PTPN12: variants seen among roughly 807,000 people sequenced by gnomAD.
The protein encoded by PTPN12 is protein tyrosine phosphatase non-receptor type 12, also known as tyrosine-protein phosphatase non-receptor type 12.
Under a neutral mutation model 97.6 loss-of-function variants are expected in PTPN12, and 29 were observed. The ratio of observed to expected loss-of-function variants is 0.30; its 90% CI spans 0.22 to 0.41. The LOEUF (loss-of-function observed/expected upper bound fraction) is 0.41. Among genes scored for constraint, PTPN12 ranks in the 10% least tolerant of loss-of-function variants. PTPN12 has a pLI of 1.00. For synonymous variants in PTPN12, 327 were observed against 300.4 expected (o/e 1.09, Z -0.91); for missense variants, 819 against 926.0 (o/e 0.88, Z 1.50).
intron 1 of PTPN12, among the ~76,000 whole-genome samples, chr7:77,559,724 A>G (rs541601905): frequency 6.6e-6 from 1 of 152,236 alleles, no homozygotes; most frequent in African/African-American, 2.4e-5. Flanking sequence ...TAGGGTGCCA[A>G]TTCACTGACT....
Position 77,573,097 on chromosome 7 carries a change from C to CAAAAAA in PTPN12, c.208+1913_208+1918dup, listed in dbSNP as rs1383453267. 1.1e-3 allele frequency among the ~76,000 whole-genome samples: 53 copies of CAAAAAA among 48,516 alleles called. 5 individuals carry two copies. Among genetic ancestry groups the CAAAAAA allele is most frequent in the South Asian group, 6.4e-3 (10 of 1,572 alleles). 31.8% of individuals were successfully genotyped at this position (48,516 alleles called of 152,430 possible). A position where few individuals can be genotyped will look rare whatever the true frequency, so the allele number is the denominator to read the frequency against. Reference sequence around the variant, plus strand: ...GACTCTATCTCAAAAAAAAAAAAAACAAAAAAACAAAAAAAACCAGTGTAC... The same window carrying CAAAAAA: ...GACTCTATCTCAAAAAAAAAAAAAACAAAAAAAAAAAAACAAAAAAAACCAGTGTAC... On this transcript the variant is annotated intron_variant, in intron 2 of 17. Coordinates refer to ENST00000248594, the MANE Select transcript of PTPN12 (RefSeq NM_002835.4).
chr7:77,630,481 T>C (rs1216846470), intron 13 of PTPN12, among the ~76,000 whole-genome samples: 1 of 152,338 alleles, frequency 6.6e-6, no homozygotes, highest in Middle Eastern at 3.4e-3. Context: ...AACCTCTTGC[T>C]CCTAGGCTAC....
intron 16 of PTPN12, 59 bp from the exon 17 acceptor site, chr7:77,638,565 T>TA (rs1789687113): frequency 6.8e-7 from 1 of 1,462,982 alleles, no homozygotes; most frequent in South Asian, 1.6e-5. Context: ...ATTAAAGAGT[T>TA]ATATATATAT....
intron 1 of PTPN12, among the ~76,000 whole-genome samples, chr7:77,543,191 C>G (rs1364133525): frequency 6.6e-6 from 1 of 151,862 alleles, no homozygotes; most frequent in African/African-American, 2.4e-5. Context: ...GCTTTGGTGA[C>G]TAGAAAAAAC....
intron 3 of PTPN12, 32 bp downstream of exon 3, chr7:77,581,535 C>A (rs1255142695): frequency 2.2e-6 from 3 of 1,348,592 alleles, no homozygotes; most frequent in East Asian, 5.0e-5. Context: ...TGTTTCTCTG[C>A]CATATTAATG....
intron 8 of PTPN12, among the ~76,000 whole-genome samples, chr7:77,603,883 CTT>C (rs773037726): frequency 1.1e-5 from 1 of 87,868 alleles, no homozygotes; most frequent in Non-Finnish European, 2.1e-5. Context: ...TTTTTGTTTG[CTT>C]TTTTTTTTTT....
At chr7:77,590,559 C>CTT (rs539493706) in intron 5 of PTPN12, among the ~76,000 whole-genome samples, 2,613 of 141,730 alleles carry the variant, frequency 0.018, 77 homozygotes, top group African/African-American at 0.061. Context: ...TTTTTTAAAT[C>CTT]TTTTTTTTTT....
intron 12 of PTPN12, among the ~76,000 whole-genome samples, chr7:77,623,325 C>A (rs1052309466): frequency 9.2e-5 from 14 of 152,144 alleles, no homozygotes; most frequent in African/African-American, 3.4e-4. Context: ...AATTGTTGTT[C>A]AGATGTTAAC....
At chr7:77,588,939 C>A (rs1787778976) in intron 5 of PTPN12, among the ~76,000 whole-genome samples, 1 of 152,152 alleles carries the variant, frequency 6.6e-6, no homozygotes, top group African/African-American at 2.4e-5. Flanking sequence ...GTGGCGCGAT[C>A]TCGGCTCACT....
chr7:77,581,597 A>C, intron 3 of PTPN12, 94 bp downstream of exon 3: 1 of 594,398 alleles, frequency 1.7e-6, no homozygotes, highest in Non-Finnish European at 2.8e-6. Flanking sequence ...CAAACATGAT[A>C]CCAACAGCAA....
intron 1 of PTPN12, among the ~76,000 whole-genome samples, chr7:77,547,287 G>A (rs1160591775): frequency 6.6e-6 from 1 of 152,182 alleles, no homozygotes; most frequent in East Asian, 1.9e-4. Context: ...CTCTGTTCAG[G>A]AAGTTTACTA....
At position 77,565,063 on chromosome 7, in the gene PTPN12, G is replaced by A. The variant is rs185438559; in HGVS notation, c.100-6015G>A. Among the ~76,000 whole-genome samples, 129 of 152,108 alleles carry A rather than the reference G, an allele frequency of 8.5e-4. 1 individual carries two copies. In the East Asian group the frequency reaches 0.024, roughly 28 times the overall value. ...GAGCCACCGCACCCAGCTGAAACTCGTACTGTGTTTTAAGTGTTATAACAT... is the reference window on the plus strand; with the variant it reads ...GAGCCACCGCACCCAGCTGAAACTCATACTGTGTTTTAAGTGTTATAACAT... On this transcript the variant is annotated intron_variant, in intron 1 of 17. Transcript: ENST00000248594.
At chr7:77,599,355 A>G (rs865905327) in intron 7 of PTPN12, among the ~76,000 whole-genome samples, 1 of 140,752 alleles carries the variant, frequency 7.1e-6, no homozygotes, top group Non-Finnish European at 1.5e-5. Context: ...GTCTCACTAT[A>G]TATTGCCCAG....
At chr7:77,601,065 T>C in intron 8 of PTPN12, 1 of 329,874 alleles carries the variant, frequency 3.0e-6, no homozygotes, top group Non-Finnish European at 5.6e-6. Flanking sequence ...CTTTTTACTG[T>C]TCACTGATTA....
At chr7:77,544,380 T>C (rs1807123769) in intron 1 of PTPN12, among the ~76,000 whole-genome samples, 1 of 152,178 alleles carries the variant, frequency 6.6e-6, no homozygotes, top group South Asian at 2.1e-4. Flanking sequence ...CTTTGATGAG[T>C]ATTCACCTAA....
intron 12 of PTPN12, among the ~76,000 whole-genome samples, chr7:77,622,842 A>C (rs547275960): frequency 1.1e-4 from 16 of 151,862 alleles, no homozygotes; most frequent in Admixed American, 6.6e-4. Context: ...AAAATAAGGA[A>C]CTCCATTTTC....
intron 2 of PTPN12, among the ~76,000 whole-genome samples, chr7:77,580,200 C>T (rs577071470): frequency 6.6e-6 from 1 of 152,312 alleles, no homozygotes; most frequent in African/African-American, 2.4e-5. Flanking sequence ...TGCAATGGTT[C>T]ACACCTGTAA....
intron 2 of PTPN12, 23 bp downstream of exon 2, chr7:77,571,209 A>G: frequency 1.4e-6 from 2 of 1,432,016 alleles, no homozygotes; most frequent in South Asian, 2.5e-5. Context: ...TGCCCTTGAT[A>G]AAATACATAG....
At position 77,636,408 on chromosome 7, in the gene PTPN12, C is replaced by G. The variant is rs114809674; in HGVS notation, c.2142+559C>G. Among the ~76,000 whole-genome samples the G allele has an allele frequency of 1.0e-2, 1,519 of 151,936 alleles. 32 individuals carry two copies. Among genetic ancestry groups the G allele is most frequent in the African/African-American group, 0.035 (1,460 of 41,424 alleles). On this transcript the variant is annotated intron_variant, in intron 15 of 17. Coordinates refer to ENST00000248594, the MANE Select transcript of PTPN12 (RefSeq NM_002835.4). ...ACCATCCTGGGCAACATGGGGAGAC[C>G]TTATCTCTACAAAAATTTTTAAAAT...
Sources: gnomAD v4.1 joint callset for allele counts (sites outside exome capture counted in the v4.1 genomes callset) on GRCh38, gnomAD v4.1.1 for gene constraint, MANE v1.5 for transcripts, NCBI Gene and HGNC (gene_info 2026-07-23, HGNC 2026-07-21) for gene names.